The following TOPAZ1 variants were observed in gnomAD, a reference collection of about 807,000 sequenced individuals.
TOPAZ1 encodes protein TOPAZ1.
In TOPAZ1, 66 loss-of-function variants were observed where a neutral mutation model predicts 172.2. The ratio of observed to expected loss-of-function variants is 0.38; its 90% CI spans 0.31 to 0.47. The LOEUF (loss-of-function observed/expected upper bound fraction) is 0.47, where lower values mean the gene tolerates loss of function less well. TOPAZ1 is among the 20% of genes least tolerant of loss of function. The probability of loss-of-function intolerance (pLI) is 0.99; values close to 1 mark genes in which losing one functional copy is unlikely to be tolerated. For synonymous variants in TOPAZ1, 681 were observed against 683.9 expected (o/e 1.00, Z 0.07); for missense variants, 1,822 against 1,972.4 (o/e 0.92, Z 1.44).
chr3:44,244,745 A>C lies in TOPAZ1; in HGVS notation c.2239A>C (p.Ile747Leu), dbSNP rs895817604. 6.4e-7 allele frequency: 1 copy of C among 1,551,474 alleles called. No homozygotes were observed. The highest frequency in any genetic ancestry group is 1.2e-5 in the South Asian group (1 of 84,062). ...MMMLGPQTLSIRNSVTPVQAS... is the reference protein window; with the variant it reads ...MMMLGPQTLSLRNSVTPVQAS... ...GATGTTAGGACCTCAAACTTTGAGC[A>C]TACGAAATAGTGTAACTCCAGTGCA... is the stretch of plus-strand genomic sequence containing the variant. Residue 747 changes from isoleucine (I) to leucine (L), a missense_variant, in exon 2 of 20, where the codon ATA becomes CTA. Ile to Leu is a conservative substitution (Grantham distance 5). Coordinates refer to ENST00000309765, the MANE Select transcript of TOPAZ1 (RefSeq NM_001145030.2).
At chr3:44,328,491 C>A in intron 19 of TOPAZ1, 58 bp downstream of exon 19, 1 of 930,998 alleles carries the variant, frequency 1.1e-6, no homozygotes, top group Non-Finnish European at 1.6e-6. Flanking sequence ...CCCACACCCA[C>A]CCTAAGATGT....
chr3:44,248,299 G>A (rs554256811), intron 2 of TOPAZ1, among the ~76,000 whole-genome samples: 92 of 152,184 alleles, frequency 6.0e-4, no homozygotes, highest in African/African-American at 2.1e-3. Context: ...AGCCATTTTG[G>A]TGTGCAGTAT....
At chr3:44,285,714 G>A (rs983809688) in intron 9 of TOPAZ1, among the ~76,000 whole-genome samples, 9 of 151,428 alleles carry the variant, frequency 5.9e-5, no homozygotes, top group Admixed American at 3.9e-4. Context: ...GTGACTACAG[G>A]CCTGTGCCAC....
At chr3:44,268,326 G>A (rs1308438970) in intron 6 of TOPAZ1, among the ~76,000 whole-genome samples, 1 of 148,688 alleles carries the variant, frequency 6.7e-6, no homozygotes, top group Non-Finnish European at 1.5e-5. Flanking sequence ...CTTTTCCTTG[G>A]TGTGTGCAAG....
Position 44,331,988 on chromosome 3 carries a change from G to T in TOPAZ1, c.5056G>T (p.Val1686Phe). The T allele has an allele frequency of 1.3e-6, 2 of 1,548,312 alleles. No individual in the cohort carries two copies. The highest frequency in any genetic ancestry group is 1.7e-6 in the Non-Finnish European group (2 of 1,146,230). The change falls in exon 20 of 20, where the codon GTT (valine) becomes TTT (phenylalanine). Residue 1686 changes from valine (V) to phenylalanine (F), a missense_variant. Physicochemically the swap from Val to Phe is conservative, Grantham distance 50. Transcript: ENST00000309765. ...LKENMKWAGK[V>F]WLFSNH ...AGAGAATATGAAGTGGGCTGGAAAG[G>T]TTTGGCTTTTCAGTAACCATTAGCT...
At chr3:44,255,421 G>A (rs527248901) in intron 3 of TOPAZ1, among the ~76,000 whole-genome samples, 3 of 152,072 alleles carry the variant, frequency 2.0e-5, no homozygotes, top group East Asian at 3.9e-4. Flanking sequence ...GGGAGTCCGC[G>A]GCAGGTGGAT....
chr3:44,283,919 C>G (rs1247704874), intron 9 of TOPAZ1, among the ~76,000 whole-genome samples: 1 of 152,126 alleles, frequency 6.6e-6, no homozygotes, highest in East Asian at 1.9e-4. Flanking sequence ...AACATGAGTA[C>G]AGTAGTTTTG....
At chr3:44,275,644 A>G (rs1411627198) in intron 8 of TOPAZ1, among the ~76,000 whole-genome samples, 2 of 152,086 alleles carry the variant, frequency 1.3e-5, no homozygotes, top group Non-Finnish European at 2.9e-5. Flanking sequence ...TATTGTGAAT[A>G]GTGCTGGAAT....
At chr3:44,271,319 T>G (rs1197464168) in intron 8 of TOPAZ1, among the ~76,000 whole-genome samples, 2 of 152,222 alleles carry the variant, frequency 1.3e-5, no homozygotes, top group African/African-American at 4.8e-5. Context: ...CTCTTGATAT[T>G]ATTAGCCTTT....
In TOPAZ1 at chr3:44,298,399, A is replaced by G. The variant is rs531535343; in HGVS notation, c.3798-5616A>G. ...CTTGAGCCCCAGAGGTAGAGGCTGC[A>G]ATGAGCCGTGATTGCACCACTGCAC... On this transcript the variant is annotated intron_variant, in intron 12 of 19. Transcript: ENST00000309765. Among the ~76,000 whole-genome samples the G allele has an allele frequency of 5.6e-4, 86 of 152,306 alleles. 1 individual carries two copies. The South Asian group carries it at 0.016, about 29-fold the overall frequency.
chr3:44,292,932 C>G (rs1700153754), intron 12 of TOPAZ1, among the ~76,000 whole-genome samples: 1 of 152,154 alleles, frequency 6.6e-6, no homozygotes, highest in Admixed American at 6.5e-5. Context: ...ACTTTGAAAA[C>G]TGTATCTTTA....
chr3:44,300,686 C>G (rs1420988565), intron 12 of TOPAZ1, among the ~76,000 whole-genome samples: 1 of 151,830 alleles, frequency 6.6e-6, no homozygotes, highest in African/African-American at 2.4e-5. Flanking sequence ...ATGGTACAGC[C>G]ACTCTGAAAA....
chr3:44,257,630 T>G (rs1302903087), intron 4 of TOPAZ1, among the ~76,000 whole-genome samples: 2 of 151,792 alleles, frequency 1.3e-5, no homozygotes, highest in Non-Finnish European at 2.9e-5. Flanking sequence ...AGTACTAGTG[T>G]ACTTTTTTTT....
Position 44,308,424 on chromosome 3 carries a change from A to G in TOPAZ1, c.4141-1401A>G, listed in dbSNP as rs528479034. On this transcript the variant is annotated intron_variant, in intron 15 of 19. Transcript: ENST00000309765. ...TAGTTTGCTCAGAATGATGGTTTCC[A>G]GCTTCATCTATGTCCCTACAAAGGA... 1.6e-4 allele frequency among the ~76,000 whole-genome samples: 25 copies of G among 152,296 alleles called. No individual in the cohort carries two copies. In the East Asian group the frequency reaches 2.9e-3, roughly 18 times the overall value.
chr3:44,306,282 A>T, intron 14 of TOPAZ1, 44 bp from the exon 15 acceptor site: 1 of 1,274,528 alleles, frequency 7.8e-7, no homozygotes, highest in Non-Finnish European at 1.1e-6. Context: ...CCATCATTTT[A>T]AGTGACTATT....
intron 12 of TOPAZ1, among the ~76,000 whole-genome samples, chr3:44,291,308 T>TA (rs11459668): frequency 0.15 from 20,932 of 142,570 alleles, 1,967 homozygotes; most frequent in African/African-American, 0.27. Context: ...CAAAGACCTT[T>TA]AAAAAAAAAA....
intron 18 of TOPAZ1, among the ~76,000 whole-genome samples, chr3:44,327,556 C>T (rs1353851984): frequency 6.6e-6 from 1 of 152,140 alleles, no homozygotes; most frequent in East Asian, 1.9e-4. Flanking sequence ...GTACTTAGCA[C>T]AATGCCAGAC....
In TOPAZ1 at chr3:44,330,253, C is replaced by G. The variant is rs565534066; in HGVS notation, c.4860-1539C>G. On this transcript the variant is annotated intron_variant, in intron 19 of 19. Coordinates refer to ENST00000309765, the MANE Select transcript of TOPAZ1 (RefSeq NM_001145030.2). ...TGGATAAGGCATCTAGGCTCCCCAT[C>G]ATCCTAATGAGGTCATGGTTTTCTC... Among the ~76,000 whole-genome samples the G allele has an allele frequency of 7.2e-5, 11 of 152,290 alleles. No homozygotes were observed. The South Asian group carries it at 1.9e-3, about 26-fold the overall frequency.
chr3:44,309,796 C>G, intron 15 of TOPAZ1, 29 bp from the exon 16 acceptor site: 1 of 1,391,388 alleles, frequency 7.2e-7, no homozygotes. Context: ...TGATTGATAC[C>G]CAATTAGTGT....
Sources: gnomAD v4.1 joint callset for allele counts (sites outside exome capture counted in the v4.1 genomes callset) on GRCh38, gnomAD v4.1.1 for gene constraint, MANE v1.5 for transcripts, NCBI Gene and HGNC (gene_info 2026-07-23, HGNC 2026-07-21) for gene names.